Variants in PCDH15 observed in about 807,000 individuals in gnomAD.
The protein encoded by PCDH15 is protocadherin related 15, also known as protocadherin-15.
In PCDH15, 129 loss-of-function variants were observed where a neutral mutation model predicts 178.5. The observed-to-expected ratio is 0.72, with a 90% CI of 0.63 to 0.84. The LOEUF is 0.84. Ranked by LOEUF, PCDH15 falls within the 40% of genes least tolerant of loss-of-function variation. The pLI is 0.00. For missense variants in PCDH15, 2,230 were observed against 2,099.9 expected, an observed-to-expected ratio of 1.06 and a Z score of -1.21; for synonymous variants, 800 against 732.0, an observed-to-expected ratio of 1.09 and a Z score of -1.50.
chr10:55,444,351 C>G (rs1157672790), intron 2 of PCDH15, among the ~76,000 whole-genome samples: 1 of 151,238 alleles, frequency 6.6e-6, no homozygotes, highest in African/African-American at 2.4e-5. Context: ...TTTTTATAAG[C>G]AGACACACAA....
intron 15 of PCDH15, among the ~76,000 whole-genome samples, chr10:54,108,473 C>G (rs1241569018): frequency 6.6e-6 from 1 of 152,132 alleles, no homozygotes; most frequent in Non-Finnish European, 1.5e-5. Context: ...ATAACCCAAA[C>G]CAGCAGTTGA....
chr10:55,021,306 C>T (rs1403758436), intron 2 of PCDH15, among the ~76,000 whole-genome samples: 2 of 152,172 alleles, frequency 1.3e-5, no homozygotes, highest in East Asian at 1.9e-4. Flanking sequence ...TGATGGGGGA[C>T]ATTTAGAACC....
At chr10:54,609,459 C>T (rs1183209525) in intron 2 of PCDH15, among the ~76,000 whole-genome samples, 1 of 152,012 alleles carries the variant, frequency 6.6e-6, no homozygotes, top group Non-Finnish European at 1.5e-5. Flanking sequence ...TAATTTAGCT[C>T]TGAACAGATT....
intron 1 of PCDH15, among the ~76,000 whole-genome samples, chr10:55,213,239 A>G (rs1338300126): frequency 6.6e-6 from 1 of 152,118 alleles, no homozygotes; most frequent in Non-Finnish European, 1.5e-5. Context: ...ATACATAGGC[A>G]TGAGGATGGA....
At chr10:54,611,000 A>T (rs918704795) in intron 2 of PCDH15, among the ~76,000 whole-genome samples, 1 of 151,982 alleles carries the variant, frequency 6.6e-6, no homozygotes, top group East Asian at 1.9e-4. Context: ...AGCACAGAAC[A>T]ACATATCTTT....
rs1406162235 is a variant in PCDH15, at chr10:53,805,042, C to G, written c.*1537G>C. 6.6e-6 allele frequency: 1 copy of G among 151,820 alleles called. No homozygotes were observed. Among genetic ancestry groups the G allele is most frequent in the Non-Finnish European group, 1.5e-5 (1 of 67,912 alleles). 9.4% of individuals were successfully genotyped at this position (151,820 alleles called of 1,614,324 possible). A position where few individuals can be genotyped will look rare whatever the true frequency, so the allele number is the denominator to read the frequency against. On this transcript the variant is annotated 3_prime_UTR_variant, in exon 38 of 38. Transcript: ENST00000644397. ...TGATCTCAAATATTTTCTTGGAAAT[C>G]TGAAGTAAAAACATACTACTCTTAC...
intron 2 of PCDH15, among the ~76,000 whole-genome samples, chr10:54,627,145 C>T (rs2093577793): frequency 1.3e-5 from 2 of 152,202 alleles, no homozygotes; most frequent in African/African-American, 2.4e-5. Flanking sequence ...TTTACAGGCT[C>T]ATAGGCAGAA....
intron 1 of PCDH15, among the ~76,000 whole-genome samples, chr10:54,787,470 T>C (rs1421271425): frequency 6.6e-6 from 1 of 151,990 alleles, no homozygotes; most frequent in African/African-American, 2.4e-5. Context: ...CTAAACAATT[T>C]GATTCAATGT....
intron 3 of PCDH15, among the ~76,000 whole-genome samples, chr10:54,489,901 A>T (rs1200998196): frequency 2.0e-5 from 3 of 152,150 alleles, no homozygotes; most frequent in Non-Finnish European, 2.9e-5. Context: ...TCAATTTCAA[A>T]TGAGGAAAAT....
At chr10:55,005,183 G>T (rs1839896414) in intron 2 of PCDH15, among the ~76,000 whole-genome samples, 1 of 113,044 alleles carries the variant, frequency 8.8e-6, no homozygotes, top group Non-Finnish European at 1.8e-5. Context: ...ACAAGTCTGG[G>T]TAATATAGTG....
At chr10:54,934,049 T>C (rs1191803670) in intron 2 of PCDH15, among the ~76,000 whole-genome samples, 4 of 152,188 alleles carry the variant, frequency 2.6e-5, no homozygotes, top group African/African-American at 7.2e-5. Context: ...AGAACAGTAA[T>C]TGATTTCCTA....
chr10:53,933,365 C>T (rs574221716), intron 25 of PCDH15, among the ~76,000 whole-genome samples: 185 of 151,418 alleles, frequency 1.2e-3, no homozygotes, highest in Admixed American at 2.3e-3. Context: ...TGATGTTCCC[C>T]TTCTGTGTCC....
intron 2 of PCDH15, among the ~76,000 whole-genome samples, chr10:55,503,757 GA>G (rs1258846083): frequency 2.6e-5 from 4 of 151,278 alleles, no homozygotes; most frequent in Non-Finnish European, 5.9e-5. Flanking sequence ...CCACAATCCA[GA>G]ACACTGAAAA....
intron 2 of PCDH15, among the ~76,000 whole-genome samples, chr10:55,142,315 T>G (rs1443419917): frequency 6.6e-6 from 1 of 152,034 alleles, no homozygotes; most frequent in East Asian, 1.9e-4. Flanking sequence ...CATTAATAGT[T>G]TAGATTGGCT....
chr10:55,222,722 C>T (rs868264012), intron 1 of PCDH15, among the ~76,000 whole-genome samples: 1 of 37,516 alleles, frequency 2.7e-5, no homozygotes, highest in African/African-American at 7.2e-5. Context: ...CACACACACA[C>T]ACACACACAT....
At chr10:55,467,272 T>C (rs1839850232) in intron 2 of PCDH15, among the ~76,000 whole-genome samples, 1 of 152,076 alleles carries the variant, frequency 6.6e-6, no homozygotes. Context: ...TAAGACTGTG[T>C]TCCTGGCAGC....
intron 2 of PCDH15, among the ~76,000 whole-genome samples, chr10:54,658,425 G>A (rs979607493): frequency 4.6e-5 from 7 of 152,228 alleles, no homozygotes; most frequent in Admixed American, 3.3e-4. Context: ...GACTAACAGT[G>A]GACTTCTCAG....
chr10:55,463,886 AGAGG>A (rs57386649), intron 2 of PCDH15, among the ~76,000 whole-genome samples: 31,903 of 76,572 alleles, frequency 0.42, 8,950 homozygotes, highest in East Asian at 0.68. Context: ...AGAGAGAAAG[AGAGG>A]GAGAGAGAGA....
At chr10:55,077,435 CT>C in intron 2 of PCDH15, among the ~76,000 whole-genome samples, 2 of 144,536 alleles carry the variant, frequency 1.4e-5, no homozygotes, top group African/African-American at 2.6e-5. Context: ...TCCTTCCTTC[CT>C]TTCTTCCTTC....
Sources: allele counts gnomAD v4.1 joint callset (sites outside exome capture counted in the v4.1 genomes callset), GRCh38; gene constraint gnomAD v4.1.1; transcripts MANE v1.5; gene names NCBI Gene and HGNC (gene_info 2026-07-23, HGNC 2026-07-21).